The following WDR25 variants were observed in gnomAD, a reference collection of about 807,000 sequenced individuals.
WDR25 encodes the protein WD repeat-containing protein 25.
WDR25 carries 35 observed loss-of-function variants against 47.7 expected under a neutral mutation model. The observed-to-expected ratio is 0.73, with a 90% CI of 0.56 to 0.97. The LOEUF is 0.97. WDR25 is among the 50% of genes least tolerant of loss of function. The pLI, the probability that WDR25 is intolerant of heterozygous loss-of-function variation, is 0.00. For missense variants in WDR25, 634 were observed against 704.7 expected (o/e 0.90, Z 1.14); for synonymous variants, 248 against 278.9 (o/e 0.89, Z 1.10).
At chr14:100,447,427 C>T (rs745818587) in intron 2 of WDR25, among the ~76,000 whole-genome samples, 1 of 152,218 alleles carries the variant, frequency 6.6e-6, no homozygotes, top group Admixed American at 6.5e-5. Context: ...GTGGGCGTGC[C>T]AGCCTTGCAG....
chr14:100,406,179 C>G (rs6575777), intron 2 of WDR25, among the ~76,000 whole-genome samples: 1 of 152,012 alleles, frequency 6.6e-6, no homozygotes, highest in Non-Finnish European at 1.5e-5. Flanking sequence ...TTCCTTCTGA[C>G]GTTGATATGT....
chr14:100,439,880 A>T (rs1347899812), intron 2 of WDR25, among the ~76,000 whole-genome samples: 1 of 152,232 alleles, frequency 6.6e-6, no homozygotes, highest in Non-Finnish European at 1.5e-5. Flanking sequence ...GCTGCAGTGG[A>T]TGGGAGTGAA....
In WDR25 at chr14:100,455,981, G is replaced by A. The variant is rs550268331; in HGVS notation, c.823-12040G>A. ...ATGTGTATGGCAGGTATGAGGTGGA[G>A]GTGAGGAGGTGGGGTATCTTTGATG... On this transcript the variant is annotated intron_variant, in intron 2 of 6. Transcript: ENST00000402312. 2.6e-5 allele frequency among the ~76,000 whole-genome samples: 4 copies of A among 152,296 alleles called. No homozygotes were observed. In the East Asian group the frequency reaches 7.7e-4, roughly 29 times the overall value.
chr14:100,376,875 C>T (rs2140124266), intron 1 of WDR25: 3 of 645,314 alleles, frequency 4.6e-6, no homozygotes, highest in Non-Finnish European at 6.3e-6. Context: ...AGCATCTCCC[C>T]CTCCCACCCG....
chr14:100,388,659 A>G (rs1249089285), intron 2 of WDR25, among the ~76,000 whole-genome samples: 4 of 152,232 alleles, frequency 2.6e-5, no homozygotes, highest in Non-Finnish European at 5.9e-5. Context: ...TGAGGCCAAC[A>G]AATGAGACAT....
chr14:100,391,148 G>A (rs937856465), intron 2 of WDR25, among the ~76,000 whole-genome samples: 3 of 151,828 alleles, frequency 2.0e-5, no homozygotes, highest in Admixed American at 6.6e-5. Context: ...GACATTTTTC[G>A]CTGTCAAGTC....
chr14:100,526,632 A>G (rs1453485420), intron 5 of WDR25, among the ~76,000 whole-genome samples: 1 of 151,932 alleles, frequency 6.6e-6, no homozygotes, highest in African/African-American at 2.4e-5. Flanking sequence ...CTGTGCTTTA[A>G]CTGTCATTAC....
chr14:100,391,203 C>T (rs1015482202), intron 2 of WDR25, among the ~76,000 whole-genome samples: 6 of 152,118 alleles, frequency 3.9e-5, no homozygotes, highest in African/African-American at 1.4e-4. Flanking sequence ...TAGAGCATGG[C>T]ATGTCCTCCC....
intron 3 of WDR25, chr14:100,481,058 CT>C: frequency 7.4e-6 from 3 of 403,178 alleles, no homozygotes; most frequent in South Asian, 5.4e-5. Context: ...GGAATTGAAG[CT>C]GAAAAAGGCA....
chr14:100,449,733 C>T lies in WDR25; in HGVS notation c.823-18288C>T, dbSNP rs1898961206. 6.6e-6 allele frequency among the ~76,000 whole-genome samples: 1 copy of T among 152,212 alleles called. No homozygotes were observed. The highest frequency in any genetic ancestry group is 1.5e-5 in the Non-Finnish European group (1 of 68,028). ...AGCAGACAGAGTGATTTTAACGCAGCTCCTTGTCCTGGCTTAGGTGACGCC... is the reference window on the plus strand; with the variant it reads ...AGCAGACAGAGTGATTTTAACGCAGTTCCTTGTCCTGGCTTAGGTGACGCC... On this transcript the variant is annotated intron_variant, in intron 2 of 6. Transcript: ENST00000402312. The surrounding 1 kb of genome is among the most constrained non-coding windows in gnomAD (Gnocchi z 4.2).
intron 2 of WDR25, among the ~76,000 whole-genome samples, chr14:100,391,325 A>G (rs1367860784): frequency 1.3e-5 from 2 of 152,132 alleles, no homozygotes; most frequent in African/African-American, 4.8e-5. Context: ...CTGCGCCACC[A>G]TGATGAATGT....
intron 2 of WDR25, among the ~76,000 whole-genome samples, chr14:100,444,016 AG>A (rs1898750042): frequency 6.6e-6 from 1 of 152,196 alleles, no homozygotes; most frequent in African/African-American, 2.4e-5. Context: ...AGGAAGAGCC[AG>A]GCCTAGACAC....
In WDR25 at chr14:100,459,941, CACAT is replaced by C. The variant is rs1179641418; in HGVS notation, c.823-8076_823-8073del. On this transcript the variant is annotated intron_variant, in intron 2 of 6. Transcript: ENST00000402312. ...ATATATATATATATATATATATATA[CACAT>C]ACACATACACACACATATACACACA... Among the ~76,000 whole-genome samples the C allele has an allele frequency of 4.0e-3, 285 of 71,406 alleles. 9 individuals are homozygous for C. The highest frequency in any genetic ancestry group is 0.014 in the African/African-American group (271 of 18,876). 46.8% of individuals were successfully genotyped at this position (71,406 alleles called of 152,430 possible). A position where few individuals can be genotyped will look rare whatever the true frequency, so the allele number is the denominator to read the frequency against.
At position 100,392,657 on chromosome 14, in the gene WDR25, C is replaced by T. The variant is rs1168441881; in HGVS notation, c.822+10911C>T. ...CATTTAACATTCTCTCCCAGCCCTG[C>T]CCGCGCCACACTGTGCCACCAGCCG... On this transcript the variant is annotated intron_variant, in intron 2 of 6. Transcript: ENST00000402312. This position sits in a 1 kb window ranked among gnomAD's most constrained non-coding sequence, Gnocchi z 4.2. Among the ~76,000 whole-genome samples, 1 of 152,120 alleles carries T rather than the reference C, an allele frequency of 6.6e-6. No individual in the cohort carries two copies. Among genetic ancestry groups the T allele is most frequent in the Non-Finnish European group, 1.5e-5 (1 of 68,028 alleles).
At chr14:100,405,294 T>A (rs557838268) in intron 2 of WDR25, among the ~76,000 whole-genome samples, 2 of 152,220 alleles carry the variant, frequency 1.3e-5, no homozygotes, top group East Asian at 3.9e-4. Flanking sequence ...CCTGAGTAGC[T>A]GGGATTACAG....
intron 5 of WDR25, 91 bp from the exon 6 acceptor site, chr14:100,528,977 G>T: frequency 6.9e-7 from 1 of 1,450,050 alleles, no homozygotes. Context: ...GAGACACCCA[G>T]CTAGGGTCTG....
Position 100,502,567 on chromosome 14 carries a change from C to A in WDR25, c.1101+18443C>A, listed in dbSNP as rs61992976. On this transcript the variant is annotated intron_variant, in intron 4 of 6. Transcript: ENST00000402312. The surrounding 1 kb of genome is among the most constrained non-coding windows in gnomAD (Gnocchi z 4.5). ...GTTCCACCAGTGTCCTGGAGCTGCT[C>A]ACTTTAGAGTTCTTCATTAGGGGTC... Among the ~76,000 whole-genome samples the A allele has an allele frequency of 6.6e-6, 1 of 152,240 alleles. No individual in the cohort carries two copies. The highest frequency in any genetic ancestry group is 1.5e-5 in the Non-Finnish European group (1 of 68,042).
In WDR25 at chr14:100,526,023, T is replaced by C. The variant is rs1282357581; in HGVS notation, c.1255T>C (p.Ser419Pro). The C allele has an allele frequency of 6.2e-7, 1 of 1,614,020 alleles. No individual in the cohort carries two copies. The highest frequency in any genetic ancestry group is 1.6e-4 in the Middle Eastern group (1 of 6,062). The part of the protein sequence containing the change: ...AWDFRTSAKI[S>P]NQIFHERFTC... The stretch of plus-strand genomic sequence containing the variant: ...GGATTTCCGGACCTCTGCCAAAATC[T>C]CCAACCAGATTTTCCACGTAAGAAA... Residue 419 changes from serine to proline, a missense_variant, in exon 5 of 7, where the codon TCC becomes CCC. Physicochemically the swap from Ser to Pro is moderately conservative, Grantham distance 74 (BLOSUM62 -1). Transcript: ENST00000402312.
At chr14:100,482,630 G>A (rs1470565627) in intron 3 of WDR25, among the ~76,000 whole-genome samples, 1 of 151,708 alleles carries the variant, frequency 6.6e-6, no homozygotes, top group African/African-American at 2.4e-5. Flanking sequence ...GAGTACTCAT[G>A]TGACTGTCAT....
Sources: allele counts gnomAD v4.1 joint callset (sites outside exome capture counted in the v4.1 genomes callset), GRCh38; gene constraint gnomAD v4.1.1; non-coding constraint Gnocchi (gnomAD v3.1); transcripts MANE v1.5; gene names NCBI Gene and HGNC (gene_info 2026-07-23, HGNC 2026-07-21).